AFG2A: variants seen among roughly 807,000 people sequenced by gnomAD.
AFG2A encodes AAA ATPase AFG2A.
chr4:123,011,839 G>T, the AFG2A span, among the ~76,000 whole-genome samples: 2 of 152,166 alleles, frequency 1.3e-5, no homozygotes, highest in South Asian at 2.1e-4. Flanking sequence ...CAGAGTGAAG[G>T]GGTGGGGGGT....
the AFG2A span, among the ~76,000 whole-genome samples, chr4:123,303,630 A>G: frequency 3.6e-4 from 55 of 151,930 alleles, no homozygotes; most frequent in African/African-American, 1.3e-3. Flanking sequence ...GCGTGGTGGC[A>G]TACACCTGTA....
chr4:122,957,179 G>A, the AFG2A span, among the ~76,000 whole-genome samples: 146 of 152,312 alleles, frequency 9.6e-4, 1 homozygote, highest in African/African-American at 3.4e-3. Flanking sequence ...TAAAGAAAAA[G>A]CCCTAAGCCT....
At chr4:123,065,906 T>G in the AFG2A span, among the ~76,000 whole-genome samples, 5 of 152,160 alleles carry the variant, frequency 3.3e-5, no homozygotes, top group African/African-American at 1.2e-4. Context: ...AAGCTTTATA[T>G]AATGTATTGG....
At chr4:123,004,187 C>T in the AFG2A span, among the ~76,000 whole-genome samples, 154 of 152,292 alleles carry the variant, frequency 1.0e-3, 1 homozygote, top group Non-Finnish European at 1.6e-3. Flanking sequence ...GTGGGAGTGG[C>T]CCAATTTTCC....
At chr4:123,053,928 A>G in the AFG2A span, among the ~76,000 whole-genome samples, 1 of 152,148 alleles carries the variant, frequency 6.6e-6, no homozygotes, top group Non-Finnish European at 1.5e-5. Flanking sequence ...GTCCCAGGCC[A>G]TGAGATTTGT....
At chr4:123,216,427 TG>T in the AFG2A span, among the ~76,000 whole-genome samples, 27 of 152,298 alleles carry the variant, frequency 1.8e-4, no homozygotes, top group African/African-American at 6.3e-4. Context: ...CTTAGAGAGT[TG>T]CTTTAAGGAT....
chr4:122,955,099 G>T, the AFG2A span, among the ~76,000 whole-genome samples: 2 of 152,154 alleles, frequency 1.3e-5, no homozygotes, highest in African/African-American at 2.4e-5. Context: ...AGGCAAAAGA[G>T]ACCTGGAGCT....
At chr4:123,054,485 G>A in the AFG2A span, among the ~76,000 whole-genome samples, 7 of 151,744 alleles carry the variant, frequency 4.6e-5, no homozygotes, top group Admixed American at 4.6e-4. Context: ...TTGGGAGGCC[G>A]AGGCAGGCAG....
At chr4:123,162,160 G>C in the AFG2A span, among the ~76,000 whole-genome samples, 1 of 152,166 alleles carries the variant, frequency 6.6e-6, no homozygotes, top group Non-Finnish European at 1.5e-5. Flanking sequence ...GATTGTGTCC[G>C]GAAGAGTGTG....
At chr4:123,030,935 A>G in the AFG2A span, among the ~76,000 whole-genome samples, 1 of 152,190 alleles carries the variant, frequency 6.6e-6, no homozygotes, top group Non-Finnish European at 1.5e-5. Context: ...TTTTAGATTT[A>G]GGGATACTCA....
chr4:122,979,121 T>C, the AFG2A span: 1 of 1,313,530 alleles, frequency 7.6e-7, no homozygotes, highest in African/African-American at 1.5e-5. Flanking sequence ...CCTCCCCCAC[T>C]GCAGCCAGTG....
chr4:123,263,528 A>C, the AFG2A span, among the ~76,000 whole-genome samples: 19 of 152,338 alleles, frequency 1.2e-4, no homozygotes, highest in Non-Finnish European at 2.5e-4. Flanking sequence ...CATTTACCTC[A>C]TGAGCCCTTG....
At chr4:122,977,851 A>C in the AFG2A span, among the ~76,000 whole-genome samples, 5 of 152,344 alleles carry the variant, frequency 3.3e-5, no homozygotes, top group South Asian at 1.0e-3. Context: ...ATGAGCGTCC[A>C]GCTCTCAGCA....
At chr4:122,979,327 C>G in the AFG2A span, 32 of 1,614,026 alleles carry the variant, frequency 2.0e-5, no homozygotes, top group Non-Finnish European at 2.5e-5. Flanking sequence ...GGATTTCTTG[C>G]AGGCAATGAA....
chr4:123,278,112 G>A, the AFG2A span, among the ~76,000 whole-genome samples: 26 of 152,018 alleles, frequency 1.7e-4, 1 homozygote, highest in Admixed American at 1.7e-3. Flanking sequence ...TTGGTTGGTA[G>A]GCTTTTTTAT....
the AFG2A span, among the ~76,000 whole-genome samples, chr4:123,127,928 G>A: frequency 1.3e-5 from 2 of 152,106 alleles, no homozygotes; most frequent in South Asian, 4.1e-4. Flanking sequence ...TCCTCCTGGA[G>A]GTTAAGCTAG....
the AFG2A span, among the ~76,000 whole-genome samples, chr4:123,306,281 C>CTTTTTTTTTTTTTTTTTTTTTTTTTTT: frequency 6.6e-6 from 1 of 152,092 alleles, no homozygotes; most frequent in Non-Finnish European, 1.5e-5. Context: ...GAGATCCTGC[C>CTTTTTTTTTTTTTTTTTTTTTTTTTTT]TTTGTTGTTT....
the AFG2A span, among the ~76,000 whole-genome samples, chr4:123,152,802 A>G: frequency 6.6e-6 from 1 of 152,198 alleles, no homozygotes; most frequent in Non-Finnish European, 1.5e-5. Flanking sequence ...ACCTGCATAC[A>G]ATGTTTATAG....
At chr4:123,236,031 A>G in the AFG2A span, among the ~76,000 whole-genome samples, 18 of 152,194 alleles carry the variant, frequency 1.2e-4, no homozygotes, top group African/African-American at 3.1e-4. Flanking sequence ...TAATGGGTTG[A>G]TATGACCCAT....
Sources: allele counts gnomAD v4.1 joint callset (sites outside exome capture counted in the v4.1 genomes callset), GRCh38; gene constraint gnomAD v4.1.1; transcripts MANE v1.5; gene names NCBI Gene and HGNC (gene_info 2026-07-23, HGNC 2026-07-21).